ANKRD27: variants seen among roughly 807,000 people sequenced by gnomAD.
The protein encoded by ANKRD27 is ankyrin repeat domain-containing protein 27.
Under a neutral mutation model 129.7 loss-of-function variants are expected in ANKRD27, and 112 were observed. The ratio of observed to expected loss-of-function variants is 0.86; its 90% CI spans 0.74 to 1.01. The LOEUF is 1.01. Ranked by LOEUF, ANKRD27 falls within the 50% of genes least tolerant of loss-of-function variation. ANKRD27 has a pLI of 0.00. For synonymous variants in ANKRD27, 516 were observed against 511.2 expected, an observed-to-expected ratio of 1.01 and a Z score of -0.13; for missense variants, 1,258 against 1,300.5, an observed-to-expected ratio of 0.97 and a Z score of 0.50.
intron 1 of ANKRD27, among the ~76,000 whole-genome samples, chr19:32,674,567 A>G (rs987909256): frequency 1.4e-5 from 1 of 70,282 alleles, no homozygotes; most frequent in African/African-American, 5.4e-5. Flanking sequence ...GTGGGAATGC[A>G]GAGACCCCCC....
At chr19:32,669,735 C>T (rs931882157) in intron 1 of ANKRD27, among the ~76,000 whole-genome samples, 1 of 152,056 alleles carries the variant, frequency 6.6e-6, no homozygotes, top group African/African-American at 2.4e-5. Context: ...TGGTGGCTCA[C>T]ACCTATAATC....
At chr19:32,613,735 G>T (rs1168201069) in intron 22 of ANKRD27, among the ~76,000 whole-genome samples, 1 of 145,918 alleles carries the variant, frequency 6.9e-6, no homozygotes, top group Non-Finnish European at 1.5e-5. Flanking sequence ...TTGAGACGGA[G>T]TCTTGCTCTG....
intron 13 of ANKRD27, among the ~76,000 whole-genome samples, chr19:32,629,199 GC>G (rs148797319): frequency 0.022 from 3,420 of 152,248 alleles, 113 homozygotes; most frequent in African/African-American, 0.061. Flanking sequence ...GGGATTACAG[GC>G]GTGAGCCACC....
chr19:32,599,271 ACT>A (rs1276606378), intron 28 of ANKRD27, among the ~76,000 whole-genome samples: 2 of 152,060 alleles, frequency 1.3e-5, no homozygotes, highest in Admixed American at 6.6e-5. Flanking sequence ...ACAGAGCAAG[ACT>A]CTGTCTCAAA....
chr19:32,627,395 TTTATTTATTTATTTA>T (rs150360621), intron 15 of ANKRD27, among the ~76,000 whole-genome samples: 3,742 of 59,210 alleles, frequency 0.063, 217 homozygotes, highest in South Asian at 0.18. Context: ...TATTTATTTA[TTTATTTATTTATTTA>T]TTTTTTGAGA....
rs1012842230 is a variant in ANKRD27 at position 32,658,915 on chromosome 19, A to G, written c.101T>C (p.Ile34Thr). Residue 34 changes from isoleucine to threonine, a missense_variant and splice_region_variant, in exon 2 of 29, where the codon ATT becomes ACT. By Grantham distance (89) the Ile-to-Thr change is moderately conservative. Transcript: ENST00000306065. ...LCSKVAQIHG[I>T]VLVPCKGSLS... ...AACCCCGAGGCTCAGTGCACTTACA[A>G]TGCCATGGATTTGGGCCACTTTGCT... The G allele has an allele frequency of 6.2e-7, 1 of 1,613,520 alleles. No individual in the cohort carries two copies. Among genetic ancestry groups the G allele is most frequent in the Non-Finnish European group, 8.5e-7 (1 of 1,179,556 alleles).
chr19:32,672,770 G>A (rs1391352550), intron 1 of ANKRD27: 1 of 152,298 alleles, frequency 6.6e-6, no homozygotes, highest in Non-Finnish European at 1.5e-5. Flanking sequence ...ACCACAGGGA[G>A]AAGAACCACC....
intron 5 of ANKRD27, chr19:32,643,884 TC>T (rs201491337): frequency 0.034 from 14,944 of 439,656 alleles, 1 homozygote; most frequent in Middle Eastern, 0.048. Flanking sequence ...GTTTGTTTTT[TC>T]TTTTTAAGAG....
intron 1 of ANKRD27, among the ~76,000 whole-genome samples, chr19:32,666,835 C>T (rs1392244721): frequency 6.6e-6 from 1 of 151,758 alleles, no homozygotes; most frequent in Admixed American, 6.6e-5. Context: ...TTAGTAGAGA[C>T]GGGGTTTCAT....
rs564407926 is a variant in ANKRD27, at chr19:32,602,667, G to A, written c.2656-541C>T. On this transcript the variant is annotated intron_variant, in intron 25 of 28. Transcript: ENST00000306065. ...CAGCACTTTTGAGAGGCCGAGGCGG[G>A]TGGATTGCTTGAGCCCAGGCAGTCG... is the stretch of plus-strand genomic sequence containing the variant. 1.5e-3 allele frequency among the ~76,000 whole-genome samples: 228 copies of A among 151,974 alleles called. 1 individual carries two copies. The highest frequency in any genetic ancestry group is 3.4e-3 in the Middle Eastern group (1 of 292).
At chr19:32,605,345 G>A (rs1173928884) in intron 24 of ANKRD27, among the ~76,000 whole-genome samples, 1 of 152,150 alleles carries the variant, frequency 6.6e-6, no homozygotes, top group Non-Finnish European at 1.5e-5. Flanking sequence ...TCCAGCCTGG[G>A]CCACAGAGCA....
chr19:32,653,946 G>A (rs1967471201), intron 2 of ANKRD27, among the ~76,000 whole-genome samples: 1 of 152,178 alleles, frequency 6.6e-6, no homozygotes, highest in African/African-American at 2.4e-5. Context: ...TGCTGCCCAG[G>A]CTGGAGTGCA....
chr19:32,644,558 C>T, intron 4 of ANKRD27, 79 bp from the exon 5 acceptor site: 1 of 1,507,456 alleles, frequency 6.6e-7, no homozygotes, highest in Non-Finnish European at 9.0e-7. Flanking sequence ...AGGGCCTAGG[C>T]CCTCTGGGGA....
intron 2 of ANKRD27, among the ~76,000 whole-genome samples, chr19:32,655,868 A>G (rs1301771547): frequency 6.6e-6 from 1 of 151,492 alleles, no homozygotes; most frequent in African/African-American, 2.4e-5. Flanking sequence ...AAATACAAAC[A>G]TCAGTCAGGC....
At chr19:32,669,218 G>A (rs182828630) in intron 1 of ANKRD27, among the ~76,000 whole-genome samples, 8 of 152,286 alleles carry the variant, frequency 5.3e-5, no homozygotes, top group Admixed American at 4.6e-4. Flanking sequence ...GGCTGCAGGT[G>A]CCCTGGGTTC....
chr19:32,622,957 AT>A (rs77480294), intron 17 of ANKRD27, among the ~76,000 whole-genome samples: 54 of 137,450 alleles, frequency 3.9e-4, no homozygotes, highest in African/African-American at 7.0e-4. Flanking sequence ...TTTTTTTTTA[AT>A]TTTTTTTTTT....
At chr19:32,602,253 G>A (rs1476323501) in intron 25 of ANKRD27, 127 bp from the exon 26 acceptor site, 1 of 629,300 alleles carries the variant, frequency 1.6e-6, no homozygotes, top group African/African-American at 1.9e-5. Context: ...AATTACAAAT[G>A]GAGCTTGGAG....
chr19:32,639,863 T>G (rs1433543755), intron 11 of ANKRD27, among the ~76,000 whole-genome samples: 2 of 152,160 alleles, frequency 1.3e-5, no homozygotes, highest in African/African-American at 2.4e-5. Context: ...TGTAAGTGGA[T>G]GGATGAAGCA....
At chr19:32,634,682 G>A (rs1191197047) in intron 12 of ANKRD27, among the ~76,000 whole-genome samples, 1 of 152,214 alleles carries the variant, frequency 6.6e-6, no homozygotes, top group Non-Finnish European at 1.5e-5. Context: ...TTGGGAGGCT[G>A]AGGCAGGCGG....
Sources: allele counts gnomAD v4.1 joint callset (sites outside exome capture counted in the v4.1 genomes callset), GRCh38; gene constraint gnomAD v4.1.1; transcripts MANE v1.5; gene names NCBI Gene and HGNC (gene_info 2026-07-23, HGNC 2026-07-21).